The following PLEKHA2 variants were observed in gnomAD, a reference collection of about 807,000 sequenced individuals.
PLEKHA2 encodes the protein pleckstrin homology domain-containing family A member 2.
In PLEKHA2, 28 loss-of-function variants were observed where a neutral mutation model predicts 53.2. That is an observed-to-expected ratio of 0.53 (90% confidence interval 0.39 to 0.72). PLEKHA2 has a LOEUF of 0.72. Ranked by LOEUF, PLEKHA2 falls within the 30% of genes least tolerant of loss-of-function variation. PLEKHA2 has a pLI of 0.00. For missense variants in PLEKHA2, 426 were observed against 537.9 expected, an observed-to-expected ratio of 0.79 and a Z score of 2.06; for synonymous variants, 193 against 196.4, an observed-to-expected ratio of 0.98 and a Z score of 0.14.
At chr8:38,939,423 G>A (rs954050740) in intron 3 of PLEKHA2, among the ~76,000 whole-genome samples, 4 of 152,206 alleles carry the variant, frequency 2.6e-5, no homozygotes, top group Non-Finnish European at 5.9e-5. Flanking sequence ...TTGCCGAATC[G>A]CCCTTCCATG....
intron 2 of PLEKHA2, among the ~76,000 whole-genome samples, chr8:38,920,355 T>C (rs62504367): frequency 0.047 from 7,183 of 152,010 alleles, 258 homozygotes; most frequent in East Asian, 0.15. Context: ...GGGGTTTCAC[T>C]GTGTTAGCCA....
chr8:38,961,091 A>AT (rs2129423990), intron 10 of PLEKHA2, among the ~76,000 whole-genome samples: 1 of 152,314 alleles, frequency 6.6e-6, no homozygotes, highest in African/African-American at 2.4e-5. Flanking sequence ...AAAACTATTA[A>AT]GCTCATGGAG....
intron 2 of PLEKHA2, among the ~76,000 whole-genome samples, chr8:38,931,104 C>T (rs1834384643): frequency 6.6e-6 from 1 of 152,036 alleles, no homozygotes; most frequent in South Asian, 2.1e-4. Flanking sequence ...ATGGTGAAAC[C>T]CCATCTCTAC....
At chr8:38,968,760 C>A in intron 11 of PLEKHA2, 91 bp downstream of exon 11, 2 of 1,384,626 alleles carry the variant, frequency 1.4e-6, no homozygotes, top group Non-Finnish European at 2.0e-6. Context: ...AGGCAAGCAG[C>A]CTGGTCCCGA....
At chr8:38,905,144 T>C (rs1369975293) in intron 1 of PLEKHA2, among the ~76,000 whole-genome samples, 1 of 152,170 alleles carries the variant, frequency 6.6e-6, no homozygotes, top group Admixed American at 6.5e-5. Context: ...GGTCATCTTC[T>C]TGCAAAAGTT....
intron 5 of PLEKHA2, among the ~76,000 whole-genome samples, chr8:38,948,991 C>A (rs1315119005): frequency 6.6e-6 from 1 of 152,104 alleles, no homozygotes; most frequent in African/African-American, 2.4e-5. Context: ...CTGCCTCAGC[C>A]TCCTGAGTAG....
At chr8:38,964,852 C>CT (rs56714628) in intron 10 of PLEKHA2, among the ~76,000 whole-genome samples, 2,717 of 54,970 alleles carry the variant, frequency 0.049, 1,078 homozygotes, top group East Asian at 0.25. Context: ...TGTTACTTCC[C>CT]TTTTTTTTTT....
chr8:38,912,951 G>A (rs1833976062), intron 1 of PLEKHA2, among the ~76,000 whole-genome samples: 1 of 152,198 alleles, frequency 6.6e-6, no homozygotes, highest in African/African-American at 2.4e-5. Context: ...GATGTAACCT[G>A]AATGCTTATC....
At chr8:38,920,897 T>C (rs1834178932) in intron 2 of PLEKHA2, among the ~76,000 whole-genome samples, 1 of 151,186 alleles carries the variant, frequency 6.6e-6, no homozygotes. Context: ...GCCTCCCGGG[T>C]TCAAGCGATT....
chr8:38,936,068 C>T lies in PLEKHA2; in HGVS notation c.198+18C>T, dbSNP rs1834489507. 1 of 1,611,406 alleles carries T rather than the reference C, an allele frequency of 6.2e-7. No homozygotes were observed. Among genetic ancestry groups the T allele is most frequent in the African/African-American group, 1.3e-5 (1 of 74,854 alleles). ...TCTCGAAGGTAATGTTGACCTGGAACTCTGGGAATTCATGCTCTGTAAGTC... is the reference window on the plus strand; with the variant it reads ...TCTCGAAGGTAATGTTGACCTGGAATTCTGGGAATTCATGCTCTGTAAGTC... On this transcript the variant is annotated intron_variant, in intron 3 of 11. Transcript: ENST00000617275.
chr8:38,958,171 A>G (rs1223991071), intron 10 of PLEKHA2, among the ~76,000 whole-genome samples: 1 of 152,094 alleles, frequency 6.6e-6, no homozygotes, highest in Non-Finnish European at 1.5e-5. Flanking sequence ...ATAAAAATAC[A>G]AAAAAATTAG....
At position 38,952,283 on chromosome 8, in the gene PLEKHA2, A is replaced by G; in HGVS notation, c.604A>G (p.Ser202Gly). The change falls in exon 7 of 12, where the codon AGT becomes GGT. Residue 202 changes from serine (S) to glycine (G), a missense_variant. By Grantham distance (56) the Ser-to-Gly change is moderately conservative. Coordinates refer to ENST00000617275, the MANE Select transcript of PLEKHA2 (RefSeq NM_021623.2). Reference protein sequence around the residue: ...RASTGPPLIKSGYCVKQGNVR... With the variant: ...RASTGPPLIKGGYCVKQGNVR... ...TTCCACTGGGCCTCCCCTCATTAAG[A>G]GTGGTTACTGCGTGAAGCAAGGGAA... is the stretch of plus-strand genomic sequence containing the variant. 6.2e-7 allele frequency: 1 copy of G among 1,612,830 alleles called. No homozygotes were observed. Among genetic ancestry groups the G allele is most frequent in the Non-Finnish European group, 8.5e-7 (1 of 1,179,530 alleles).
At chr8:38,905,798 C>CT (rs1433058956) in intron 1 of PLEKHA2, among the ~76,000 whole-genome samples, 1 of 150,540 alleles carries the variant, frequency 6.6e-6, no homozygotes, top group Non-Finnish European at 1.5e-5. Context: ...AATTTTCCTG[C>CT]TTCAGCCTCC....
At chr8:38,968,938 G>A (rs371746191) in intron 11 of PLEKHA2, 7 of 383,892 alleles carry the variant, frequency 1.8e-5, no homozygotes, top group African/African-American at 6.6e-5. Context: ...TCACTCTGTC[G>A]CCCAGACTGG....
chr8:38,947,523 T>G (rs374745067), intron 5 of PLEKHA2, among the ~76,000 whole-genome samples: 1 of 152,156 alleles, frequency 6.6e-6, no homozygotes, highest in African/African-American at 2.4e-5. Context: ...CTTAGGAGGC[T>G]GAGGCAGGAG....
At chr8:38,918,504 C>T (rs1456315508) in intron 2 of PLEKHA2, among the ~76,000 whole-genome samples, 1 of 65,158 alleles carries the variant, frequency 1.5e-5, no homozygotes. Flanking sequence ...ACCCATACAC[C>T]AGACACACAC....
intron 6 of PLEKHA2, 45 bp from the exon 7 acceptor site, chr8:38,952,121 G>C: frequency 6.3e-7 from 1 of 1,586,946 alleles, no homozygotes; most frequent in Non-Finnish European, 8.6e-7. Flanking sequence ...GGCTGTGGCT[G>C]CATAGAGGGA....
chr8:38,913,904 G>T (rs1277545810), intron 1 of PLEKHA2, among the ~76,000 whole-genome samples: 1 of 152,176 alleles, frequency 6.6e-6, no homozygotes, highest in East Asian at 1.9e-4. Flanking sequence ...TGAAACTGGA[G>T]CTGGGGCGGA....
At chr8:38,967,575 C>A (rs895912767) in intron 10 of PLEKHA2, among the ~76,000 whole-genome samples, 2 of 152,032 alleles carry the variant, frequency 1.3e-5, no homozygotes, top group Non-Finnish European at 2.9e-5. Flanking sequence ...TTGCATTTCT[C>A]CAATGATTAG....
Sources: gnomAD v4.1 joint callset for allele counts (sites outside exome capture counted in the v4.1 genomes callset) on GRCh38, gnomAD v4.1.1 for gene constraint, MANE v1.5 for transcripts, NCBI Gene and HGNC (gene_info 2026-07-23, HGNC 2026-07-21) for gene names.